The following STX8 variants were observed in gnomAD, a reference collection of about 807,000 sequenced individuals.
STX8 encodes syntaxin-8.
A neutral mutation model predicts 37.5 loss-of-function variants in STX8; 23 were observed. That is an observed-to-expected ratio of 0.61 (90% confidence interval 0.44 to 0.87). STX8 has a LOEUF of 0.87. STX8 is among the 40% of genes least tolerant of loss of function. The pLI is 0.00. For missense variants in STX8, 313 were observed against 284.7 expected (o/e 1.10, Z -0.71); for synonymous variants, 115 against 99.1 (o/e 1.16, Z -0.95).
chr17:9,293,246 C>A (rs1908380587), intron 7 of STX8, among the ~76,000 whole-genome samples: 1 of 151,976 alleles, frequency 6.6e-6, no homozygotes, highest in Non-Finnish European at 1.5e-5. Context: ...TGGGTAGATC[C>A]CATGAATACT....
chr17:9,406,001 G>A (rs1567546892), intron 6 of STX8, among the ~76,000 whole-genome samples: 1 of 152,168 alleles, frequency 6.6e-6, no homozygotes, highest in Non-Finnish European at 1.5e-5. Flanking sequence ...CTGCACTACA[G>A]AATAGCTGCA....
intron 6 of STX8, among the ~76,000 whole-genome samples, chr17:9,443,476 TACC>T (rs1904735763): frequency 6.6e-6 from 1 of 152,050 alleles, no homozygotes; most frequent in Non-Finnish European, 1.5e-5. Flanking sequence ...TATTGGAGGG[TACC>T]ACTAAGCTCA....
chr17:9,307,795 C>T (rs1909053179), intron 7 of STX8, among the ~76,000 whole-genome samples: 1 of 151,996 alleles, frequency 6.6e-6, no homozygotes, highest in East Asian at 1.9e-4. Flanking sequence ...TGTTTCCTGC[C>T]CCTCTTTGTC....
chr17:9,444,753 T>A (rs1371926643), intron 6 of STX8, among the ~76,000 whole-genome samples: 3 of 152,334 alleles, frequency 2.0e-5, no homozygotes, highest in South Asian at 4.1e-4. Context: ...TGAAAACAAT[T>A]TCTTTAGGAT....
intron 6 of STX8, among the ~76,000 whole-genome samples, chr17:9,404,679 T>A (rs1367449586): frequency 6.6e-6 from 1 of 152,118 alleles, no homozygotes; most frequent in Non-Finnish European, 1.5e-5. Flanking sequence ...GGTTTCGATC[T>A]CCTGACCTCG....
intron 7 of STX8, among the ~76,000 whole-genome samples, chr17:9,287,563 A>G (rs545014800): frequency 4.6e-5 from 7 of 152,022 alleles, no homozygotes; most frequent in Admixed American, 6.6e-5. Flanking sequence ...CCAAGTTTCC[A>G]CTCATTAGGG....
chr17:9,562,370 C>T (rs1314878254), intron 2 of STX8, among the ~76,000 whole-genome samples: 4 of 151,120 alleles, frequency 2.6e-5, no homozygotes, highest in African/African-American at 4.9e-5. Context: ...CGCGCCACCG[C>T]ACTCCAGCCT....
At chr17:9,502,058 T>C (rs1401315144) in intron 5 of STX8, among the ~76,000 whole-genome samples, 1 of 152,144 alleles carries the variant, frequency 6.6e-6, no homozygotes, top group East Asian at 1.9e-4. Context: ...ATAACAAGTG[T>C]TGGCAAGAAT....
intron 7 of STX8, among the ~76,000 whole-genome samples, chr17:9,294,880 C>G (rs367887038): frequency 1.3e-5 from 2 of 152,314 alleles, no homozygotes; most frequent in African/African-American, 4.8e-5. Context: ...AGGGCTCTTT[C>G]CTTCTCTGAA....
chr17:9,407,678 G>C (rs766017240), intron 6 of STX8, among the ~76,000 whole-genome samples: 1 of 151,930 alleles, frequency 6.6e-6, no homozygotes, highest in Non-Finnish European at 1.5e-5. Context: ...AGCAGGGGGT[G>C]GGGTTGGAGG....
chr17:9,519,896 T>TA (rs1394323080), intron 4 of STX8, among the ~76,000 whole-genome samples: 1 of 147,464 alleles, frequency 6.8e-6, no homozygotes, highest in Non-Finnish European at 1.5e-5. Flanking sequence ...TCCTGATCCC[T>TA]AGCCCCATCC....
At chr17:9,531,196 A>C (rs1364155981) in intron 4 of STX8, among the ~76,000 whole-genome samples, 1 of 152,208 alleles carries the variant, frequency 6.6e-6, no homozygotes, top group Non-Finnish European at 1.5e-5. Context: ...AGTCTGGATA[A>C]CTGGTCATGT....
chr17:9,473,727 G>A (rs1905979896), intron 6 of STX8, among the ~76,000 whole-genome samples: 1 of 152,134 alleles, frequency 6.6e-6, no homozygotes, highest in South Asian at 2.1e-4. Context: ...GATACAGAGG[G>A]CCAAGTATAC....
At chr17:9,574,221 T>A (rs910175256) in intron 1 of STX8, among the ~76,000 whole-genome samples, 1 of 149,572 alleles carries the variant, frequency 6.7e-6, no homozygotes, top group Non-Finnish European at 1.5e-5. Flanking sequence ...CAGTGAGCCA[T>A]GATCGCGCCA....
intron 6 of STX8, among the ~76,000 whole-genome samples, chr17:9,438,292 C>T (rs987307964): frequency 2.0e-5 from 3 of 150,568 alleles, no homozygotes; most frequent in Non-Finnish European, 4.4e-5. Context: ...TTGATCATCT[C>T]TCCTCTACAA....
intron 4 of STX8, among the ~76,000 whole-genome samples, chr17:9,544,717 G>A (rs1326729014): frequency 6.6e-6 from 1 of 152,154 alleles, no homozygotes; most frequent in African/African-American, 2.4e-5. Context: ...AACTGGCCGG[G>A]CGCAGTGGCT....
At chr17:9,545,558 A>G (rs1906471081) in intron 3 of STX8, among the ~76,000 whole-genome samples, 4 of 152,066 alleles carry the variant, frequency 2.6e-5, no homozygotes, top group African/African-American at 9.7e-5. Context: ...CCAGGTAAAT[A>G]TTACTTTCCT....
At chr17:9,418,841 G>C (rs9899902) in intron 6 of STX8, among the ~76,000 whole-genome samples, 127 of 139,534 alleles carry the variant, frequency 9.1e-4, no homozygotes, top group Non-Finnish European at 1.4e-3. Flanking sequence ...AAAAAAAAAG[G>C]GGGGGGGGAA....
At position 9,281,094 on chromosome 17, in the gene STX8, G is replaced by A. The variant is rs185829701; in HGVS notation, c.644-30449C>T. ...TGGTGGAGGGGGAGGGTTCACAGACGCAAATCTGCATTTTCCAAAGCTCCT... is the reference window on the plus strand; with the variant it reads ...TGGTGGAGGGGGAGGGTTCACAGACACAAATCTGCATTTTCCAAAGCTCCT... On this transcript the variant is annotated intron_variant, in intron 7 of 7. Coordinates refer to ENST00000306357, the MANE Select transcript of STX8 (RefSeq NM_004853.3). 3.9e-4 allele frequency among the ~76,000 whole-genome samples: 60 copies of A among 152,232 alleles called. No individual in the cohort carries two copies. In the East Asian group the frequency reaches 6.4e-3, roughly 16 times the overall value.
Sources: allele counts gnomAD v4.1 joint callset (sites outside exome capture counted in the v4.1 genomes callset), GRCh38; gene constraint gnomAD v4.1.1; transcripts MANE v1.5; gene names NCBI Gene and HGNC (gene_info 2026-07-23, HGNC 2026-07-21).